The following LINGO2 variants were observed in gnomAD, a reference collection of about 807,000 sequenced individuals.
LINGO2 encodes the protein leucine rich repeat and Ig domain containing 2, also known as leucine-rich repeat and immunoglobulin-like domain-containing nogo receptor-interacting protein 2.
Under a neutral mutation model 30.6 loss-of-function variants are expected in LINGO2, and 14 were observed. The observed-to-expected ratio is 0.46, with a 90% CI of 0.30 to 0.72. The LOEUF is 0.72. Ranked by LOEUF, LINGO2 falls within the 30% of genes least tolerant of loss-of-function variation. The pLI is 0.07. For missense variants in LINGO2, 729 were observed against 751.7 expected, an observed-to-expected ratio of 0.97 and a Z score of 0.35; for synonymous variants, 317 against 288.5, an observed-to-expected ratio of 1.10 and a Z score of -1.00.
the LINGO2 span, among the ~76,000 whole-genome samples, chr9:29,118,749 T>G: frequency 6.6e-6 from 1 of 151,986 alleles, no homozygotes; most frequent in South Asian, 2.1e-4. Flanking sequence ...TCGCTACCTC[T>G]CCCCAGTGAA....
At chr9:28,584,073 C>T (rs544500045) in intron 1 of LINGO2, among the ~76,000 whole-genome samples, 132 of 152,128 alleles carry the variant, frequency 8.7e-4, no homozygotes, top group African/African-American at 3.0e-3. Flanking sequence ...TCCCAGTCTC[C>T]AGAACCATGA....
intron 1 of LINGO2, among the ~76,000 whole-genome samples, chr9:28,581,267 C>T (rs556122764): frequency 2.6e-5 from 4 of 151,504 alleles, no homozygotes; most frequent in African/African-American, 9.7e-5. Flanking sequence ...GTGTTTAATG[C>T]CCAACAACTG....
At chr9:28,003,368 T>G (rs1429408008) in intron 5 of LINGO2, among the ~76,000 whole-genome samples, 24 of 146,254 alleles carry the variant, frequency 1.6e-4, no homozygotes, top group South Asian at 2.1e-4. Flanking sequence ...GATAGATAGA[T>G]AGATAGATAG....
chr9:29,022,520 T>G, the LINGO2 span, among the ~76,000 whole-genome samples: 1 of 152,350 alleles, frequency 6.6e-6, no homozygotes, highest in African/African-American at 2.4e-5. Flanking sequence ...TTCAATGAGT[T>G]AAATGAATAC....
At chr9:29,162,137 C>G in the LINGO2 span, among the ~76,000 whole-genome samples, 1 of 152,072 alleles carries the variant, frequency 6.6e-6, no homozygotes, top group Non-Finnish European at 1.5e-5. Context: ...TCAGGCTGGT[C>G]TTGAACTCCT....
intron 4 of LINGO2, among the ~76,000 whole-genome samples, chr9:28,286,400 G>T (rs963989208): frequency 1.3e-5 from 2 of 152,186 alleles, no homozygotes; most frequent in Non-Finnish European, 2.9e-5. Flanking sequence ...AGACAGTATG[G>T]AAATTTCTCA....
At chr9:28,249,139 A>G (rs7031843) in intron 4 of LINGO2, among the ~76,000 whole-genome samples, 32,661 of 151,804 alleles carry the variant, frequency 0.22, 3,755 homozygotes, top group East Asian at 0.27. Flanking sequence ...GCGAAGTATT[A>G]TTTTACCTTG....
chr9:28,413,972 A>G (rs1822873002), intron 2 of LINGO2, among the ~76,000 whole-genome samples: 1 of 150,032 alleles, frequency 6.7e-6, no homozygotes, highest in African/African-American at 2.5e-5. Flanking sequence ...TAATTCCCAT[A>G]TTAATAGCAT....
the LINGO2 span, among the ~76,000 whole-genome samples, chr9:28,997,076 C>A: frequency 6.6e-6 from 1 of 152,102 alleles, no homozygotes; most frequent in Non-Finnish European, 1.5e-5. Flanking sequence ...CTATTGCAAC[C>A]AGATGCCATT....
At chr9:29,001,250 T>A in the LINGO2 span, among the ~76,000 whole-genome samples, 1 of 152,010 alleles carries the variant, frequency 6.6e-6, no homozygotes, top group Non-Finnish European at 1.5e-5. Flanking sequence ...TCCATCATTA[T>A]AGGCAAAGTA....
At chr9:28,048,002 AAAG>A (rs1045915361) in intron 4 of LINGO2, among the ~76,000 whole-genome samples, 13 of 150,538 alleles carry the variant, frequency 8.6e-5, no homozygotes, top group Non-Finnish European at 1.6e-4. Context: ...TAGAAAATAA[AAAG>A]AAAAAATCTA....
chr9:28,739,063 G>C, the LINGO2 span, among the ~76,000 whole-genome samples: 2 of 151,842 alleles, frequency 1.3e-5, no homozygotes, highest in Admixed American at 1.3e-4. Context: ...AAAAAATGAT[G>C]ATTTATAAAA....
intron 1 of LINGO2, among the ~76,000 whole-genome samples, chr9:28,504,045 T>A (rs1361904431): frequency 6.6e-6 from 1 of 151,864 alleles, no homozygotes; most frequent in Non-Finnish European, 1.5e-5. Context: ...GCAGAAAAAC[T>A]ATCATCAAAG....
rs78703757 is a variant in LINGO2, at chr9:28,614,941, G to A, written c.-365+55259C>T. On this transcript the variant is annotated intron_variant, in intron 1 of 5. Coordinates refer to ENST00000379992, the Ensembl canonical transcript of LINGO2. ...CTAGAGGATGCAGAGGCTTCTATTA[G>A]CCTCCAACCTTACAGGCTTCTCACA... Among the ~76,000 whole-genome samples, 1,436 of 152,112 alleles carry A rather than the reference G, an allele frequency of 9.4e-3. 25 individuals carry two copies. Among genetic ancestry groups the A allele is most frequent in the African/African-American group, 0.033 (1,365 of 41,524 alleles).
intron 3 of LINGO2, among the ~76,000 whole-genome samples, chr9:28,322,438 TACACACACACACACACACACACAC>T (rs61397051): frequency 0.13 from 19,060 of 150,540 alleles, 1,472 homozygotes; most frequent in East Asian, 0.24. Context: ...AGGCACTCAG[TACACACACACACACACACACACAC>T]ACACACACAC....
intron 5 of LINGO2, among the ~76,000 whole-genome samples, chr9:27,992,305 G>C (rs367832971): frequency 1.3e-3 from 196 of 152,138 alleles, no homozygotes; most frequent in African/African-American, 4.5e-3. Flanking sequence ...CAAAATAATT[G>C]AAAACCATGT....
chr9:29,187,376 G>A, the LINGO2 span, among the ~76,000 whole-genome samples: 1 of 152,182 alleles, frequency 6.6e-6, no homozygotes, highest in East Asian at 1.9e-4. Context: ...GATATCTATT[G>A]ATAAGCAAAA....
At chr9:28,170,662 C>T (rs561146443) in intron 4 of LINGO2, among the ~76,000 whole-genome samples, 1 of 152,280 alleles carries the variant, frequency 6.6e-6, no homozygotes, top group African/African-American at 2.4e-5. Context: ...CTCAGGGCTG[C>T]ATTCCTTCTT....
At chr9:28,676,627 G>T in the LINGO2 span, among the ~76,000 whole-genome samples, 2 of 152,070 alleles carry the variant, frequency 1.3e-5, no homozygotes, top group African/African-American at 4.8e-5. Flanking sequence ...TGTGTTGTTG[G>T]TGGTGGTGTT....
Sources: allele counts gnomAD v4.1 joint callset (sites outside exome capture counted in the v4.1 genomes callset), GRCh38; gene constraint gnomAD v4.1.1; transcripts MANE v1.5; gene names NCBI Gene and HGNC (gene_info 2026-07-23, HGNC 2026-07-21).